Variants in ANO4 observed in about 807,000 individuals in gnomAD.
ANO4 encodes the protein anoctamin-4.
A neutral mutation model predicts 141.9 loss-of-function variants in ANO4; 69 were observed. The observed-to-expected ratio is 0.49, with a 90% CI of 0.40 to 0.59. The LOEUF (loss-of-function observed/expected upper bound fraction) is 0.59, where lower values mean the gene tolerates loss of function less well. Ranked by LOEUF, ANO4 falls within the 20% of genes least tolerant of loss-of-function variation. ANO4 has a pLI of 0.00. For synonymous variants in ANO4, 350 were observed against 394.3 expected, an observed-to-expected ratio of 0.89 and a Z score of 1.33; for missense variants, 894 against 1,162.2, an observed-to-expected ratio of 0.77 and a Z score of 3.36.
chr12:100,922,359 C>T (rs554618486), intron 3 of ANO4, 29 bp downstream of exon 3: 143 of 1,462,472 alleles, frequency 9.8e-5, no homozygotes, highest in East Asian at 4.3e-4. Context: ...TTAAATTCGC[C>T]GTGAGAGAAG....
At chr12:100,905,580 G>C (rs776618648) in intron 2 of ANO4, among the ~76,000 whole-genome samples, 1 of 152,208 alleles carries the variant, frequency 6.6e-6, no homozygotes, top group Non-Finnish European at 1.5e-5. Flanking sequence ...TAGTGGAGTG[G>C]TGGGGATGAA....
chr12:100,879,906 A>G (rs1036571584), intron 1 of ANO4, among the ~76,000 whole-genome samples: 6 of 152,216 alleles, frequency 3.9e-5, no homozygotes, highest in African/African-American at 1.2e-4. Flanking sequence ...GTTCACAGGG[A>G]GGAGAACCTC....
chr12:100,972,314 CAGAG>C (rs1331811792), intron 6 of ANO4, among the ~76,000 whole-genome samples: 2 of 152,160 alleles, frequency 1.3e-5, no homozygotes, highest in African/African-American at 4.8e-5. Context: ...TTTATAGAGA[CAGAG>C]AGAAGGGTTA....
intron 5 of ANO4, among the ~76,000 whole-genome samples, chr12:100,954,055 T>A (rs942044553): frequency 6.6e-6 from 1 of 152,196 alleles, no homozygotes; most frequent in African/African-American, 2.4e-5. Flanking sequence ...ATTAATCAGT[T>A]GAACTCTCAT....
intron 1 of ANO4, among the ~76,000 whole-genome samples, chr12:100,867,422 G>C (rs1307418681): frequency 1.3e-5 from 2 of 152,154 alleles, no homozygotes; most frequent in Admixed American, 1.3e-4. Flanking sequence ...TCCAAAGGCA[G>C]GAGAAAACTG....
At chr12:100,922,949 G>A (rs931728976) in intron 3 of ANO4, among the ~76,000 whole-genome samples, 13 of 151,976 alleles carry the variant, frequency 8.6e-5, no homozygotes, top group Non-Finnish European at 1.8e-4. Flanking sequence ...TGGGTGATGC[G>A]GTGTCTCATA....
intron 3 of ANO4, among the ~76,000 whole-genome samples, chr12:100,781,932 G>A (rs1459104023): frequency 6.6e-6 from 1 of 152,120 alleles, no homozygotes; most frequent in Non-Finnish European, 1.5e-5. Context: ...ACTGGTTTCT[G>A]TTTGTGTGCA....
At chr12:100,804,854 C>T (rs185531423) in intron 1 of ANO4, among the ~76,000 whole-genome samples, 40 of 152,230 alleles carry the variant, frequency 2.6e-4, no homozygotes, top group African/African-American at 9.4e-4. Context: ...GAGATCAGAC[C>T]TTTGTCAGAT....
intron 1 of ANO4, among the ~76,000 whole-genome samples, chr12:100,889,488 A>G (rs1461016968): frequency 2.0e-5 from 3 of 152,122 alleles, no homozygotes; most frequent in Non-Finnish European, 4.4e-5. Flanking sequence ...CTAGTTTACT[A>G]CTCATCTGAC....
intron 5 of ANO4, among the ~76,000 whole-genome samples, chr12:100,954,921 T>A (rs1211813517): frequency 6.6e-6 from 1 of 152,184 alleles, no homozygotes; most frequent in Non-Finnish European, 1.5e-5. Context: ...CAAGCCTGCC[T>A]ATGGAAATGT....
chr12:100,899,226 G>A (rs58350688), intron 1 of ANO4, among the ~76,000 whole-genome samples: 3,784 of 152,274 alleles, frequency 0.025, 165 homozygotes, highest in African/African-American at 0.086. Flanking sequence ...TAGGCTCACA[G>A]CATTGTGGGC....
chr12:100,986,717 T>C (rs2044724187), intron 7 of ANO4, among the ~76,000 whole-genome samples: 4 of 152,206 alleles, frequency 2.6e-5, no homozygotes, highest in African/African-American at 7.2e-5. Flanking sequence ...GAGGTAGTGC[T>C]ATCATTTTAA....
chr12:101,068,055 T>A (rs1305890723), intron 14 of ANO4, among the ~76,000 whole-genome samples: 5 of 152,204 alleles, frequency 3.3e-5, no homozygotes, highest in African/African-American at 1.2e-4. Flanking sequence ...AACGATTGTC[T>A]GTAATGGATA....
At chr12:101,094,997 C>T (rs954082718) in intron 18 of ANO4, among the ~76,000 whole-genome samples, 2 of 152,142 alleles carry the variant, frequency 1.3e-5, no homozygotes, top group African/African-American at 4.8e-5. Flanking sequence ...ACATTTATCA[C>T]ATTTTCAAAA....
Position 100,905,890 on chromosome 12 carries a change from T to C in ANO4, c.55+4050T>C, listed in dbSNP as rs76488219. ...GTGGGAAGGAGGCGTATGTATATAA[T>C]GGCAGGTGTGCTGAGGGTCTAATAA... On this transcript the variant is annotated intron_variant, in intron 2 of 27. Coordinates refer to ENST00000392977, the MANE Select transcript of ANO4 (RefSeq NM_001286615.2). Among the ~76,000 whole-genome samples, 1,176 of 152,274 alleles carry C rather than the reference T, an allele frequency of 7.7e-3. 15 individuals carry two copies. Among genetic ancestry groups the C allele is most frequent in the African/African-American group, 0.027 (1,105 of 41,558 alleles).
intron 7 of ANO4, among the ~76,000 whole-genome samples, chr12:100,976,507 TA>T (rs1322469141): frequency 1.3e-5 from 2 of 152,236 alleles, no homozygotes; most frequent in Non-Finnish European, 2.9e-5. Flanking sequence ...GTTTAGCCTA[TA>T]TTAATAGTTC....
chr12:100,895,958 G>C lies in ANO4; in HGVS notation c.-140-5688G>C, dbSNP rs1020630813. Reference sequence around the variant, plus strand: ...AACTCAGACCAAGCAGGAAACATAGGCTTGATGTTTAGGAGACAGAGTAAA... The same window carrying C: ...AACTCAGACCAAGCAGGAAACATAGCCTTGATGTTTAGGAGACAGAGTAAA... On this transcript the variant is annotated intron_variant, in intron 1 of 27. Transcript: ENST00000392977. 3.3e-5 allele frequency among the ~76,000 whole-genome samples: 5 copies of C among 152,024 alleles called. 1 individual carries two copies. In the South Asian group the frequency reaches 1.0e-3, roughly 32 times the overall value.
chr12:100,899,491 G>A (rs1432144884), intron 1 of ANO4, among the ~76,000 whole-genome samples: 6 of 152,148 alleles, frequency 3.9e-5, no homozygotes, highest in East Asian at 1.9e-4. Flanking sequence ...ACTGTCTGGC[G>A]GTGCAACTGG....
At chr12:101,097,776 G>T in intron 20 of ANO4, 68 bp downstream of exon 20, 1 of 1,607,258 alleles carries the variant, frequency 6.2e-7, no homozygotes, top group Non-Finnish European at 8.5e-7. Context: ...GCAACTTTGT[G>T]TAGATTATAA....
Sources: gnomAD v4.1 joint callset for allele counts (sites outside exome capture counted in the v4.1 genomes callset) on GRCh38, gnomAD v4.1.1 for gene constraint, MANE v1.5 for transcripts, NCBI Gene and HGNC (gene_info 2026-07-23, HGNC 2026-07-21) for gene names.